The following LNPEP variants were observed in gnomAD, a reference collection of about 807,000 sequenced individuals.
The protein encoded by LNPEP is leucyl-cystinyl aminopeptidase.
A neutral mutation model predicts 120.6 loss-of-function variants in LNPEP; 64 were observed. The ratio of observed to expected loss-of-function variants is 0.53; its 90% CI spans 0.43 to 0.65. The LOEUF is 0.65. Among genes scored for constraint, LNPEP ranks in the 30% least tolerant of loss-of-function variants. The pLI is 0.00. For missense variants in LNPEP, 1,057 were observed against 1,200.0 expected, an observed-to-expected ratio of 0.88 and a Z score of 1.76; for synonymous variants, 435 against 425.4, an observed-to-expected ratio of 1.02 and a Z score of -0.28.
chr5:96,958,030 T>C (rs1282568087), intron 1 of LNPEP, among the ~76,000 whole-genome samples: 1 of 152,234 alleles, frequency 6.6e-6, no homozygotes, highest in African/African-American at 2.4e-5. Context: ...TGGATAGAAA[T>C]ATGGGACTCA....
In LNPEP at chr5:96,979,823, G is replaced by A; in HGVS notation, c.705G>A (p.Leu235=). The change falls in exon 2 of 18, where the codon CTG becomes CTA. Residue 235 remains leucine (L), a synonymous_variant. Transcript: ENST00000231368. ...VSSQEKQAEI[L]EYAYHGQIAI... ...GCCAAGAAAAACAAGCTGAGATCCT[G>A]GAATATGCATATCATGGACAGATCG... The A allele has an allele frequency of 6.2e-7, 1 of 1,614,020 alleles. No homozygotes were observed. The highest frequency in any genetic ancestry group is 1.3e-5 in the African/African-American group (1 of 75,038).
chr5:97,004,241 G>A (rs570328473), intron 9 of LNPEP, among the ~76,000 whole-genome samples: 3 of 152,216 alleles, frequency 2.0e-5, no homozygotes, highest in Admixed American at 6.5e-5. Flanking sequence ...TTGACTGAGC[G>A]TGGTGGCTCA....
chr5:96,936,216 G>T (rs1788861820), intron 1 of LNPEP, 42 bp downstream of exon 1: 6 of 1,406,752 alleles, frequency 4.3e-6, no homozygotes, highest in Non-Finnish European at 5.6e-6. Context: ...GCTCTCCGGA[G>T]CCCTGAGGGT....
At chr5:96,949,440 A>G (rs747378488) in intron 1 of LNPEP, among the ~76,000 whole-genome samples, 5 of 152,170 alleles carry the variant, frequency 3.3e-5, no homozygotes, top group Non-Finnish European at 7.4e-5. Flanking sequence ...CTGAGGTGTT[A>G]CAGTTTCATC....
rs565453447 is a variant in LNPEP, at chr5:96,994,013, A to G, written c.1407+42A>G. ...CTGTTCTGTGTCACACCTGTGGTCTACTTCATGTCCTGGAGTTATTGTTAG... is the reference window on the plus strand; with the variant it reads ...CTGTTCTGTGTCACACCTGTGGTCTGCTTCATGTCCTGGAGTTATTGTTAG... On this transcript the variant is annotated intron_variant, in intron 6 of 17. Coordinates refer to ENST00000231368, the MANE Select transcript of LNPEP (RefSeq NM_005575.3). 17 of 1,564,364 alleles carry G rather than the reference A, an allele frequency of 1.1e-5. No homozygotes were observed. The South Asian group carries it at 1.5e-4, about 14-fold the overall frequency.
intron 14 of LNPEP, 22 bp downstream of exon 14, chr5:97,022,506 A>G (rs1273946569): frequency 1.3e-6 from 2 of 1,569,500 alleles, no homozygotes; most frequent in Non-Finnish European, 8.8e-7. Flanking sequence ...CTCTACTCAG[A>G]TGAATTATCT....
intron 13 of LNPEP, among the ~76,000 whole-genome samples, chr5:97,016,371 A>G (rs1791071161): frequency 6.6e-6 from 1 of 152,174 alleles, no homozygotes. Flanking sequence ...CACCGTGCTT[A>G]GTGCTTAATG....
At chr5:96,945,891 C>T (rs1789175470) in intron 1 of LNPEP, among the ~76,000 whole-genome samples, 1 of 152,202 alleles carries the variant, frequency 6.6e-6, no homozygotes, top group African/African-American at 2.4e-5. Context: ...ATGAGGAGAA[C>T]TCAATCTTGA....
chr5:96,977,049 A>T (rs1790015851), intron 1 of LNPEP, among the ~76,000 whole-genome samples: 1 of 152,078 alleles, frequency 6.6e-6, no homozygotes, highest in Admixed American at 6.6e-5. Flanking sequence ...TGCTAAACTC[A>T]TACCTAGAAA....
chr5:96,949,475 C>T (rs562328689), intron 1 of LNPEP, among the ~76,000 whole-genome samples: 2 of 152,312 alleles, frequency 1.3e-5, no homozygotes, highest in African/African-American at 4.8e-5. Context: ...CCTTCATGCT[C>T]TTGCCTCTGT....
chr5:97,010,324 G>A, intron 11 of LNPEP: 2 of 980,758 alleles, frequency 2.0e-6, no homozygotes, highest in Non-Finnish European at 2.4e-6. Context: ...AAATACTGCT[G>A]TGAAAGTTAA....
chr5:96,995,968 G>A (rs1425657128), intron 6 of LNPEP: 1 of 156,692 alleles, frequency 6.4e-6, no homozygotes, highest in Non-Finnish European at 1.4e-5. Context: ...CTTTTTAGTT[G>A]TCATGGGTGG....
In LNPEP at chr5:97,030,007, G is replaced by C. The variant is rs1010342540; in HGVS notation, c.*1474G>C. On this transcript the variant is annotated 3_prime_UTR_variant, in exon 18 of 18. Transcript: ENST00000231368. ...ACATAAAAAGGGTATTTACCCATTT[G>C]TGAGCACTTAAAACACTCCACAGAG... is the stretch of plus-strand genomic sequence containing the variant. 2.0e-5 allele frequency: 3 copies of C among 152,078 alleles called. No individual in the cohort carries two copies. The highest frequency in any genetic ancestry group is 4.8e-5 in the African/African-American group (2 of 41,416). 9.4% of individuals were successfully genotyped at this position (152,078 alleles called of 1,614,324 possible).
intron 12 of LNPEP, among the ~76,000 whole-genome samples, chr5:97,014,707 TA>T (rs879277466): frequency 4.6e-5 from 7 of 151,346 alleles, no homozygotes; most frequent in East Asian, 1.9e-4. Flanking sequence ...GACTTAGGAA[TA>T]AAAAAAAATG....
In LNPEP at chr5:97,034,259, T is replaced by C. The variant is rs1267652663; in HGVS notation, c.*5726T>C. On this transcript the variant is annotated 3_prime_UTR_variant, in exon 18 of 18. Transcript: ENST00000231368. ...TTGCTCCTTTTTCCTGTTACTTCATTGTGTGCCAAGGCCTTTCCATGGATA... is the reference window on the plus strand; with the variant it reads ...TTGCTCCTTTTTCCTGTTACTTCATCGTGTGCCAAGGCCTTTCCATGGATA... 6.6e-6 allele frequency: 1 copy of C among 152,120 alleles called. No homozygotes were observed. The highest frequency in any genetic ancestry group is 1.9e-4 in the East Asian group (1 of 5,198). The allele number at this position is 152,120 out of a possible 1,614,324, so 9.4% of individuals were successfully genotyped here.
Position 97,030,409 on chromosome 5 carries a change from G to C in LNPEP, c.*1876G>C, listed in dbSNP as rs1240745739. 6.6e-6 allele frequency: 1 copy of C among 152,066 alleles called. No homozygotes were observed. The highest frequency in any genetic ancestry group is 2.4e-5 in the African/African-American group (1 of 41,412). 9.4% of individuals were successfully genotyped at this position (152,066 alleles called of 1,614,324 possible). On this transcript the variant is annotated 3_prime_UTR_variant, in exon 18 of 18. Coordinates refer to ENST00000231368, the MANE Select transcript of LNPEP (RefSeq NM_005575.3). Reference sequence around the variant, plus strand: ...AGTGAGGGAAAAATACTAAACTTTTGAGAGTTTTGTTGTCGTTGCTGGTTT... The same window carrying C: ...AGTGAGGGAAAAATACTAAACTTTTCAGAGTTTTGTTGTCGTTGCTGGTTT...
At chr5:97,003,760 G>A (rs183712740) in intron 9 of LNPEP, among the ~76,000 whole-genome samples, 24 of 151,272 alleles carry the variant, frequency 1.6e-4, no homozygotes, top group Admixed American at 3.9e-4. Flanking sequence ...TGGAAAAGAC[G>A]TGTGTGGGCT....
At chr5:96,997,742 G>A (rs1790550613) in intron 7 of LNPEP, among the ~76,000 whole-genome samples, 1 of 151,936 alleles carries the variant, frequency 6.6e-6, no homozygotes, top group South Asian at 2.1e-4. Context: ...TGTTTACTTT[G>A]GTAATAGATT....
At chr5:97,011,453 C>T (rs1053654583) in intron 11 of LNPEP, among the ~76,000 whole-genome samples, 2 of 152,290 alleles carry the variant, frequency 1.3e-5, no homozygotes, top group African/African-American at 4.8e-5. Flanking sequence ...TGCTCTCAAA[C>T]TCCTGGGCTC....
Sources: allele counts gnomAD v4.1 joint callset (sites outside exome capture counted in the v4.1 genomes callset), GRCh38; gene constraint gnomAD v4.1.1; transcripts MANE v1.5; gene names NCBI Gene and HGNC (gene_info 2026-07-23, HGNC 2026-07-21).